Variants in KDM2A observed in about 807,000 individuals in gnomAD.
KDM2A encodes lysine-specific demethylase 2A.
In KDM2A, 3 loss-of-function variants were observed where a neutral mutation model predicts 137.3. The ratio of observed to expected loss-of-function variants is 0.02; its 90% CI spans 0.01 to 0.06. KDM2A has a LOEUF of 0.06. Among genes scored for constraint, KDM2A ranks in the 10% least tolerant of loss-of-function variants. KDM2A has a pLI of 1.00. For missense variants in KDM2A, 738 were observed against 1,510.6 expected, an observed-to-expected ratio of 0.49 and a Z score of 8.48; for synonymous variants, 512 against 541.5, an observed-to-expected ratio of 0.95 and a Z score of 0.76.
chr11:67,156,248 CAAAA>C (rs767497410), intron 2 of KDM2A, among the ~76,000 whole-genome samples: 35 of 108,850 alleles, frequency 3.2e-4, no homozygotes, highest in African/African-American at 9.8e-4. Context: ...AACTCCGTCT[CAAAA>C]AAAAAAAAAA....
At chr11:67,153,875 T>C (rs1378059280) in intron 2 of KDM2A, among the ~76,000 whole-genome samples, 5 of 152,078 alleles carry the variant, frequency 3.3e-5, no homozygotes, top group East Asian at 1.9e-4. Context: ...GATAATCCCC[T>C]TTTTTTATTT....
At chr11:67,252,504 A>T (rs1859460471) in intron 17 of KDM2A, 190 bp from the exon 18 acceptor site, 3 of 624,106 alleles carry the variant, frequency 4.8e-6, no homozygotes, top group South Asian at 3.6e-5. Flanking sequence ...CAAAGCGTCT[A>T]GTTGTTGTAG....
intron 5 of KDM2A, among the ~76,000 whole-genome samples, chr11:67,190,408 CTCAAAAAAAGAAA>C (rs1339625874): frequency 1.3e-5 from 2 of 151,678 alleles, no homozygotes; most frequent in African/African-American, 4.8e-5. Context: ...AAACCTCCGA[CTCAAAAAAAGAAA>C]GTGAAAGTGA....
Position 67,187,968 on chromosome 11 carries a change from G to T in KDM2A, c.307+6076G>T, listed in dbSNP as rs539436586. Among the ~76,000 whole-genome samples the T allele has an allele frequency of 7.9e-5, 12 of 152,284 alleles. No homozygotes were observed. In the South Asian group the frequency reaches 2.5e-3, roughly 32 times the overall value. On this transcript the variant is annotated intron_variant, in intron 5 of 20. Transcript: ENST00000529006. ...CCAGCACTTTGGGAGGCTGAGGCAG[G>T]ACTGCTTGAAGCCAGGAATTCAGAG...
rs140829231 is a variant in KDM2A, at chr11:67,205,493, T to TG, written c.308-2017_308-2016insG. On this transcript the variant is annotated intron_variant, in intron 5 of 20. Coordinates refer to ENST00000529006, the MANE Select transcript of KDM2A (RefSeq NM_012308.3). ...TTACAAGGAAGACAATAGATATAAATTTTTTTTTTCTACAGCCTCGACCTC... is the reference window on the plus strand; with the variant it reads ...TTACAAGGAAGACAATAGATATAAATGTTTTTTTTTCTACAGCCTCGACCTC... 2.4e-3 allele frequency among the ~76,000 whole-genome samples: 359 copies of TG among 151,102 alleles called. 2 individuals are homozygous for TG. Among genetic ancestry groups the TG allele is most frequent in the African/African-American group, 8.2e-3 (338 of 41,216 alleles).
intron 17 of KDM2A, among the ~76,000 whole-genome samples, chr11:67,251,568 T>C (rs1859429864): frequency 6.6e-6 from 1 of 152,246 alleles, no homozygotes; most frequent in African/African-American, 2.4e-5. Context: ...TCCTGACCAA[T>C]GGCATTCACT....
chr11:67,196,065 A>G, intron 5 of KDM2A: 2 of 399,364 alleles, frequency 5.0e-6, no homozygotes, highest in South Asian at 3.9e-5. Context: ...TACCCACCCC[A>G]TCCCAGTTAA....
chr11:67,166,339 C>T (rs1856744077), intron 2 of KDM2A, among the ~76,000 whole-genome samples: 1 of 151,896 alleles, frequency 6.6e-6, no homozygotes, highest in Non-Finnish European at 1.5e-5. Context: ...CACATGCCAT[C>T]ATGCCCGGCT....
chr11:67,122,649 TTA>T (rs1397583676), intron 2 of KDM2A, among the ~76,000 whole-genome samples: 4 of 123,988 alleles, frequency 3.2e-5, no homozygotes, highest in East Asian at 4.0e-4. Flanking sequence ...TTATTTTTAT[TTA>T]TTTATTTATT....
Position 67,209,775 on chromosome 11 carries a change from G to A in KDM2A, c.486+2087G>A, listed in dbSNP as rs369345892. ...CAGAATTTTAATTTAAAAATAACAG[G>A]ATTGGCCACACACGTTGGCTCATGC... On this transcript the variant is annotated intron_variant, in intron 6 of 20. Transcript: ENST00000529006. Among the ~76,000 whole-genome samples the A allele has an allele frequency of 5.3e-5, 8 of 152,218 alleles. No homozygotes were observed. In the East Asian group the frequency reaches 1.6e-3, roughly 30 times the overall value.
chr11:67,207,381 C>A, intron 5 of KDM2A, 129 bp from the exon 6 acceptor site: 1 of 620,580 alleles, frequency 1.6e-6, no homozygotes, highest in South Asian at 3.7e-5. Flanking sequence ...TGAGTGAGAA[C>A]TTTTTCCTTG....
At chr11:67,189,070 A>G (rs1349166456) in intron 5 of KDM2A, among the ~76,000 whole-genome samples, 1 of 152,158 alleles carries the variant, frequency 6.6e-6, no homozygotes, top group Non-Finnish European at 1.5e-5. Flanking sequence ...ACTAGATCTC[A>G]CAGACACAGA....
intron 10 of KDM2A, among the ~76,000 whole-genome samples, chr11:67,225,598 G>A (rs749496715): frequency 5.9e-5 from 9 of 151,656 alleles, no homozygotes; most frequent in Non-Finnish European, 1.2e-4. Flanking sequence ...TGGAGAAGGC[G>A]TGTTTCTACT....
intron 2 of KDM2A, among the ~76,000 whole-genome samples, chr11:67,166,955 G>A (rs964830757): frequency 9.2e-5 from 14 of 152,164 alleles, no homozygotes; most frequent in African/African-American, 3.1e-4. Flanking sequence ...GTGCACGCCT[G>A]TAATCCCAGC....
rs867634702 is a variant in KDM2A at position 67,205,054 on chromosome 11, G to T, written c.308-2456G>T. On this transcript the variant is annotated intron_variant, in intron 5 of 20. Coordinates refer to ENST00000529006, the MANE Select transcript of KDM2A (RefSeq NM_012308.3). ...TTGCTGAGTCACATGGTCATTCTGT[G>T]TTTAGTTTATTGAGGAACTGCAAAT... 1.6e-4 allele frequency among the ~76,000 whole-genome samples: 24 copies of T among 152,240 alleles called. No homozygotes were observed. The Middle Eastern group carries it at 0.01, about 65-fold the overall frequency.
intron 8 of KDM2A, among the ~76,000 whole-genome samples, chr11:67,217,114 C>T (rs971310466): frequency 1.4e-5 from 2 of 145,736 alleles, no homozygotes; most frequent in African/African-American, 5.1e-5. Context: ...TGGTGGCGCA[C>T]GCCTGTAGTC....
At chr11:67,122,974 CTTTTAT>C (rs1264570873) in intron 2 of KDM2A, among the ~76,000 whole-genome samples, 3 of 151,972 alleles carry the variant, frequency 2.0e-5, no homozygotes, top group South Asian at 2.1e-4. Context: ...TGCATCTGGC[CTTTTAT>C]TTTTATTTTT....
At chr11:67,249,953 A>G (rs1222028489) in intron 16 of KDM2A, 133 bp from the exon 17 acceptor site, 2 of 661,534 alleles carry the variant, frequency 3.0e-6, no homozygotes, top group African/African-American at 5.9e-5. Context: ...GCCGACTCTG[A>G]GGGAATGACC....
At chr11:67,132,498 G>C (rs1039707694) in intron 2 of KDM2A, among the ~76,000 whole-genome samples, 2 of 152,096 alleles carry the variant, frequency 1.3e-5, no homozygotes, top group Non-Finnish European at 2.9e-5. Context: ...TATTGGCCAG[G>C]CTGGTCTGGA....
Sources: gnomAD v4.1 joint callset for allele counts (sites outside exome capture counted in the v4.1 genomes callset) on GRCh38, gnomAD v4.1.1 for gene constraint, MANE v1.5 for transcripts, NCBI Gene and HGNC (gene_info 2026-07-23, HGNC 2026-07-21) for gene names.